Variants in SMCHD1 observed in about 807,000 individuals in gnomAD.
The protein encoded by SMCHD1 is structural maintenance of chromosomes flexible hinge domain containing 1, also known as structural maintenance of chromosomes flexible hinge domain-containing protein 1.
In SMCHD1, 78 loss-of-function variants were observed where a neutral mutation model predicts 254.7. The ratio of observed to expected loss-of-function variants is 0.31; its 90% CI spans 0.26 to 0.37. SMCHD1 has a LOEUF of 0.37. Ranked by LOEUF, SMCHD1 falls within the 10% of genes least tolerant of loss-of-function variation. The pLI, the probability that SMCHD1 is intolerant of heterozygous loss-of-function variation, is 1.00. For missense variants in SMCHD1, 1,840 were observed against 2,408.1 expected (o/e 0.76, Z 4.94); for synonymous variants, 766 against 794.9 (o/e 0.96, Z 0.61).
chr18:2,673,868 AGT>A (rs1261064634), intron 4 of SMCHD1, 145 bp from the exon 5 acceptor site: 1 of 708,704 alleles, frequency 1.4e-6, no homozygotes, highest in Non-Finnish European at 2.3e-6. Flanking sequence ...CTGCTGCTGA[AGT>A]GCCTTTCAGA....
At chr18:2,770,267 T>G (rs1325290221) in intron 39 of SMCHD1, among the ~76,000 whole-genome samples, 159 bp downstream of exon 39, 3 of 152,216 alleles carry the variant, frequency 2.0e-5, no homozygotes, top group Admixed American at 1.3e-4. Context: ...CATTGAGAAT[T>G]CTTAAGATGA....
At chr18:2,672,764 A>G (rs750689913) in intron 3 of SMCHD1, among the ~76,000 whole-genome samples, 3 of 152,254 alleles carry the variant, frequency 2.0e-5, no homozygotes, top group Non-Finnish European at 4.4e-5. Context: ...GAACAGATGT[A>G]TTCTGCCACT....
rs772311926 is a variant in SMCHD1, at chr18:2,772,343, A to G, written c.5146A>G (p.Thr1716Ala). ...AAGATCGTGTACTCTTCCAAACTAT[A>G]CTAAAGGCAGTGGAGATGTTTTGGG... ...PRRSCTLPNY[T>A]KGSGDVLGKI... Residue 1716 changes from threonine to alanine, a missense_variant, in exon 41 of 48, where the codon ACT becomes GCT. By Grantham distance (58) the Thr-to-Ala change is moderately conservative (BLOSUM62 0). This residue lies in a region of SMCHD1 where 881 missense variants were observed against 1,009.5 expected (regional missense o/e 0.87). Transcript: ENST00000320876. 1.3e-6 allele frequency: 2 copies of G among 1,590,304 alleles called. No individual in the cohort carries two copies. The highest frequency in any genetic ancestry group is 1.2e-5 in the South Asian group (1 of 86,448).
In SMCHD1 at chr18:2,729,540, C is replaced by T; in HGVS notation, c.3048+131C>T. ...GTATTTGTGGTTCTTTCAGCCAAAG[C>T]AAAGCAAAGACAATATGAAATGCTG... is the stretch of plus-strand genomic sequence containing the variant. On this transcript the variant is annotated intron_variant, in intron 24 of 47. Coordinates refer to ENST00000320876, the MANE Select transcript of SMCHD1 (RefSeq NM_015295.3). 6.9e-6 allele frequency: 4 copies of T among 576,728 alleles called. No homozygotes were observed. In the South Asian group the frequency reaches 1.3e-4, roughly 18 times the overall value. The allele number at this position is 576,728 out of a possible 1,614,324, so 35.7% of individuals were successfully genotyped here.
At position 2,726,449 on chromosome 18, in the gene SMCHD1, C is replaced by T; in HGVS notation, c.2701-3C>T. ...TTTAATTTTTACTGTTTTTTTCCAA[C>T]AGAATTATAATCTGAAGGTTACTCT... On this transcript the variant is annotated splice_region_variant and splice_polypyrimidine_tract_variant and intron_variant, in intron 21 of 47. Transcript: ENST00000320876. The T allele has an allele frequency of 6.7e-7, 1 of 1,485,170 alleles. No homozygotes were observed. The highest frequency in any genetic ancestry group is 9.1e-7 in the Non-Finnish European group (1 of 1,103,152). The allele number at this position is 1,485,170 out of a possible 1,614,324, so 92.0% of individuals were successfully genotyped here. A position where few individuals can be genotyped will look rare whatever the true frequency, so the allele number is the denominator to read the frequency against.
chr18:2,773,395 T>C (rs539058771), intron 41 of SMCHD1, among the ~76,000 whole-genome samples: 10 of 152,188 alleles, frequency 6.6e-5, no homozygotes, highest in Non-Finnish European at 1.3e-4. Context: ...TACCAACATA[T>C]AAATTTTAGC....
intron 45 of SMCHD1, among the ~76,000 whole-genome samples, chr18:2,792,767 ATTC>A (rs1196548308): frequency 1.3e-5 from 2 of 152,196 alleles, no homozygotes; most frequent in East Asian, 3.8e-4. Flanking sequence ...AAATAAAGCT[ATTC>A]TTAATATTTT....
intron 42 of SMCHD1, 34 bp from the exon 43 acceptor site, chr18:2,777,772 C>CTT: frequency 8.4e-7 from 1 of 1,185,576 alleles, no homozygotes; most frequent in Non-Finnish European, 1.2e-6. Flanking sequence ...AAGTCATGTG[C>CTT]TTTAATATCT....
chr18:2,752,571 C>A lies in SMCHD1; in HGVS notation c.4346+19C>A. The A allele has an allele frequency of 2.0e-6, 3 of 1,478,868 alleles. No homozygotes were observed. Among genetic ancestry groups the A allele is most frequent in the Non-Finnish European group, 2.8e-6 (3 of 1,059,664 alleles). 91.6% of individuals were successfully genotyped at this position (1,478,868 alleles called of 1,614,324 possible). On this transcript the variant is annotated intron_variant, in intron 34 of 47. Coordinates refer to ENST00000320876, the MANE Select transcript of SMCHD1 (RefSeq NM_015295.3). ...ATTTCAGGTATTTCTCAAAACATTT[C>A]ATATTTTGAATACATATCTTGTTAC... is the stretch of plus-strand genomic sequence containing the variant.
chr18:2,785,872 G>C (rs2076232215), intron 45 of SMCHD1, among the ~76,000 whole-genome samples: 1 of 152,008 alleles, frequency 6.6e-6, no homozygotes, highest in Non-Finnish European at 1.5e-5. Flanking sequence ...TTTGTGACTG[G>C]CTAATTTCAC....
At chr18:2,776,335 C>T (rs967207680) in intron 42 of SMCHD1, among the ~76,000 whole-genome samples, 1 of 152,116 alleles carries the variant, frequency 6.6e-6, no homozygotes, top group African/African-American at 2.4e-5. Context: ...TACCTTCCCA[C>T]CTCAGCTTCC....
At chr18:2,715,378 T>C (rs2074773796) in intron 17 of SMCHD1, among the ~76,000 whole-genome samples, 2 of 152,184 alleles carry the variant, frequency 1.3e-5, no homozygotes, top group African/African-American at 4.8e-5. Context: ...CTGCTTGGTC[T>C]AGTCCATTGT....
In SMCHD1 at chr18:2,697,114, G is replaced by A; in HGVS notation, c.1123G>A (p.Asp375Asn). The A allele has an allele frequency of 7.0e-7, 1 of 1,422,140 alleles. No individual in the cohort carries two copies. Among genetic ancestry groups the A allele is most frequent in the Admixed American group, 2.7e-5 (1 of 37,522 alleles). 88.1% of individuals were successfully genotyped at this position (1,422,140 alleles called of 1,614,324 possible). ...SKEVEPFNNI[D>N]IEISMFEKGK... ...AGAAGTTGAACCTTTCAACAATATT[G>A]ATATTGAAGTAAGAGAAAAATCCAT... The change falls in exon 9 of 48, where the codon GAT becomes AAT. Residue 375 changes from aspartate (D) to asparagine (N), a missense_variant. Physicochemically the swap from Asp to Asn is conservative, Grantham distance 23. This residue lies in a region of SMCHD1 where 498 missense variants were observed against 743.5 expected (regional missense o/e 0.67). Transcript: ENST00000320876.
At chr18:2,783,649 T>C (rs2076193953) in intron 44 of SMCHD1, among the ~76,000 whole-genome samples, 1 of 151,996 alleles carries the variant, frequency 6.6e-6, no homozygotes, top group Non-Finnish European at 1.5e-5. Context: ...CTCAGCTCAC[T>C]GCAACCTCCG....
chr18:2,768,447 A>T (rs977961502), intron 37 of SMCHD1, among the ~76,000 whole-genome samples: 24 of 152,080 alleles, frequency 1.6e-4, no homozygotes, highest in African/African-American at 5.1e-4. Context: ...GGGAAATTTG[A>T]TACTTACCTT....
intron 45 of SMCHD1, among the ~76,000 whole-genome samples, chr18:2,792,374 C>G (rs1434238053): frequency 6.6e-6 from 1 of 152,158 alleles, no homozygotes; most frequent in Admixed American, 6.5e-5. Flanking sequence ...ACCCTAGGAG[C>G]ATTGTAGGTT....
rs1202252955 is a variant in SMCHD1 at position 2,802,571 on chromosome 18, G to C, written c.*19G>C. ...TGTATGAGAGGTGACAGAGAGAAGAGGCCATTGGTCTCAGTAAGAATGCCC... is the reference window on the plus strand; with the variant it reads ...TGTATGAGAGGTGACAGAGAGAAGACGCCATTGGTCTCAGTAAGAATGCCC... On this transcript the variant is annotated 3_prime_UTR_variant, in exon 48 of 48. Coordinates refer to ENST00000320876, the MANE Select transcript of SMCHD1 (RefSeq NM_015295.3). The C allele has an allele frequency of 6.5e-7, 1 of 1,549,542 alleles. No homozygotes were observed. Among genetic ancestry groups the C allele is most frequent in the African/African-American group, 1.4e-5 (1 of 72,838 alleles).
intron 47 of SMCHD1, chr18:2,800,960 A>G (rs969381509): frequency 6.6e-6 from 1 of 152,214 alleles, no homozygotes; most frequent in African/African-American, 2.4e-5. Context: ...TGTAGCAGAA[A>G]GGAGCCAGGA....
chr18:2,773,545 G>C (rs1165089026), intron 41 of SMCHD1, among the ~76,000 whole-genome samples: 1 of 152,098 alleles, frequency 6.6e-6, no homozygotes, highest in Admixed American at 6.6e-5. Flanking sequence ...CTAACCAGTA[G>C]GAGAAAACTT....
Sources: gnomAD v4.1 joint callset for allele counts (sites outside exome capture counted in the v4.1 genomes callset) on GRCh38, gnomAD v4.1.1 for gene constraint, gnomAD v4.1.1 regional missense constraint, MANE v1.5 for transcripts, NCBI Gene and HGNC (gene_info 2026-07-23, HGNC 2026-07-21) for gene names.